Variants in MX2 observed in about 807,000 individuals in gnomAD.
MX2 encodes interferon-induced GTP-binding protein Mx2.
MX2 carries 51 observed loss-of-function variants against 74.0 expected under a neutral mutation model. The ratio of observed to expected loss-of-function variants is 0.69; its 90% CI spans 0.55 to 0.87. The LOEUF (loss-of-function observed/expected upper bound fraction) is 0.87. Among genes scored for constraint, MX2 ranks in the 40% least tolerant of loss-of-function variants. MX2 has a pLI of 0.00. For missense variants in MX2, 832 were observed against 908.7 expected (o/e 0.92, Z 1.09); for synonymous variants, 369 against 339.3 (o/e 1.09, Z -0.96).
intron 3 of MX2, 144 bp downstream of exon 3, chr21:41,378,125 A>AGAGAGACAGGCCACTGG (rs374024861): frequency 2.8e-6 from 3 of 1,070,796 alleles, no homozygotes; most frequent in Non-Finnish European, 2.6e-6. Context: ...GAGGCCGCTG[A>AGAGAGACAGGCCACTGG]GAGAGACAGG....
rs760584634 is a variant in MX2, at chr21:41,380,129, G to T, written c.555G>T (p.Gln185His). 16 of 1,613,810 alleles carry T rather than the reference G, an allele frequency of 9.9e-6. No individual in the cohort carries two copies. The highest frequency in any genetic ancestry group is 1.3e-5 in the African/African-American group (1 of 74,912). The change falls in exon 4 of 14, where the codon CAG (glutamine) becomes CAT (histidine). Residue 185 changes from glutamine to histidine, a missense_variant. Coordinates refer to ENST00000330714, the MANE Select transcript of MX2 (RefSeq NM_002463.2). The surrounding 1 kb of genome is among the most constrained non-coding windows in gnomAD (Gnocchi z 4.3). The part of the protein sequence containing the change: ...NTELELQDPG[Q>H]VEKEIHKAQN... Reference sequence around the variant, plus strand: ...AGCTAGAGCTTCAGGACCCTGGCCAGGTGGAGAAAGAGATACACAAAGGTG... The same window carrying T: ...AGCTAGAGCTTCAGGACCCTGGCCATGTGGAGAAAGAGATACACAAAGGTG...
chr21:41,385,932 G>C (rs1472149798), intron 5 of MX2, among the ~76,000 whole-genome samples: 3 of 152,088 alleles, frequency 2.0e-5, no homozygotes, highest in African/African-American at 4.8e-5. Flanking sequence ...AATATATGCT[G>C]TTGCGAAAAG....
At chr21:41,407,264 T>G (rs1258749260) in intron 13 of MX2, among the ~76,000 whole-genome samples, 1 of 152,188 alleles carries the variant, frequency 6.6e-6, no homozygotes, top group Non-Finnish European at 1.5e-5. Flanking sequence ...ACCCCAAAAT[T>G]CCTTATATTT....
At chr21:41,372,760 T>C (rs2089341825) in intron 1 of MX2, among the ~76,000 whole-genome samples, 1 of 152,224 alleles carries the variant, frequency 6.6e-6, no homozygotes. Flanking sequence ...TCTTATCTAT[T>C]CTTGGTATAA....
chr21:41,403,155 G>A (rs1056064307), intron 11 of MX2, 112 bp from the exon 12 acceptor site: 1 of 832,486 alleles, frequency 1.2e-6, no homozygotes, highest in African/African-American at 1.7e-5. Flanking sequence ...CAGTCTCCTG[G>A]AATGGGTCAG....
rs1827116202 is a variant in MX2, at chr21:41,399,206, T to C, written c.1283T>C (p.Met428Thr). The change falls in exon 10 of 14, where the codon ATG becomes ACG. Residue 428 changes from methionine to threonine, a missense_variant. Transcript: ENST00000330714. Reference sequence around the variant, plus strand: ...TTATATCATTTTCAGAAAATCAAGATGTTTAATCAGGACATCGAAAAGTTA... The same window carrying C: ...TTATATCATTTTCAGAAAATCAAGACGTTTAATCAGGACATCGAAAAGTTA... The part of the protein sequence containing the change: ...KMFFLIEKIK[M>T]FNQDIEKLVE... 6.2e-7 allele frequency: 1 copy of C among 1,613,818 alleles called. No homozygotes were observed. The highest frequency in any genetic ancestry group is 1.7e-5 in the Admixed American group (1 of 59,898).
intron 10 of MX2, 191 bp downstream of exon 10, chr21:41,399,528 C>A: frequency 1.8e-6 from 1 of 544,580 alleles, no homozygotes; most frequent in Non-Finnish European, 3.3e-6. Flanking sequence ...CAACTCAACA[C>A]AGGGCAATTC....
At chr21:41,376,786 G>A in intron 1 of MX2, 50 bp from the exon 2 acceptor site, 3 of 1,470,442 alleles carry the variant, frequency 2.0e-6, no homozygotes, top group Non-Finnish European at 2.8e-6. Flanking sequence ...GCCAACTCAG[G>A]GAGGACTTCT....
intron 1 of MX2, chr21:41,373,113 C>T (rs1285774196): frequency 6.6e-6 from 1 of 152,210 alleles, no homozygotes; most frequent in Non-Finnish European, 1.5e-5. Flanking sequence ...TGACTGTTGC[C>T]TCCCCCATCA....
At chr21:41,376,123 G>A (rs1189765063) in intron 1 of MX2, among the ~76,000 whole-genome samples, 1 of 152,170 alleles carries the variant, frequency 6.6e-6, no homozygotes, top group Admixed American at 6.5e-5. Flanking sequence ...TGTGAGGCCA[G>A]GTCTGGCTTC....
intron 1 of MX2, chr21:41,365,663 T>C (rs1396961240): frequency 6.6e-6 from 1 of 152,236 alleles, no homozygotes; most frequent in African/African-American, 2.4e-5. Context: ...ATGTCTTTGC[T>C]ATTGTAACGG....
intron 10 of MX2, among the ~76,000 whole-genome samples, chr21:41,400,121 T>G (rs1178157306): frequency 1.3e-5 from 2 of 152,180 alleles, no homozygotes; most frequent in Non-Finnish European, 2.9e-5. Context: ...TAGTAGCAGC[T>G]AAACATCAGC....
chr21:41,377,622 C>A (rs889289772), intron 2 of MX2, among the ~76,000 whole-genome samples, 167 bp from the exon 3 acceptor site: 5 of 152,164 alleles, frequency 3.3e-5, no homozygotes, highest in African/African-American at 1.2e-4. Flanking sequence ...TCAATAGGAA[C>A]AGAACAGAAG....
At chr21:41,398,802 C>T in intron 8 of MX2, 95 bp from the exon 9 acceptor site, 2 of 1,509,506 alleles carry the variant, frequency 1.3e-6, no homozygotes, top group Non-Finnish European at 1.8e-6. Flanking sequence ...CCAGATCTTC[C>T]TGGATGCTTT....
chr21:41,398,163 G>C (rs1406897333), intron 8 of MX2, among the ~76,000 whole-genome samples: 4 of 152,210 alleles, frequency 2.6e-5, no homozygotes, highest in African/African-American at 9.6e-5. Flanking sequence ...TACAAAATTA[G>C]CTGGGCATGG....
intron 11 of MX2, 30 bp from the exon 12 acceptor site, chr21:41,403,237 C>T (rs773135535): frequency 6.0e-6 from 9 of 1,506,432 alleles, no homozygotes; most frequent in Admixed American, 1.9e-5. Context: ...ATGTTTTCTT[C>T]TTCTTCTCCT....
At chr21:41,405,207 C>T (rs561564408) in intron 12 of MX2, among the ~76,000 whole-genome samples, 130 of 151,198 alleles carry the variant, frequency 8.6e-4, no homozygotes, top group South Asian at 4.8e-3. Context: ...TGCAGTCAGT[C>T]GAGATTGTGC....
At chr21:41,386,441 G>A (rs927749578) in intron 5 of MX2, among the ~76,000 whole-genome samples, 2 of 152,278 alleles carry the variant, frequency 1.3e-5, no homozygotes, top group African/African-American at 4.8e-5. Flanking sequence ...CTGTCATTGT[G>A]GCTGTGAGAG....
intron 8 of MX2, 114 bp from the exon 9 acceptor site, chr21:41,398,783 T>TA: frequency 6.9e-7 from 1 of 1,457,632 alleles, no homozygotes. Context: ...GGCAGGTGGG[T>TA]CAAAAATTCC....
Sources: allele counts gnomAD v4.1 joint callset (sites outside exome capture counted in the v4.1 genomes callset), GRCh38; gene constraint gnomAD v4.1.1; non-coding constraint Gnocchi (gnomAD v3.1); transcripts MANE v1.5; gene names NCBI Gene and HGNC (gene_info 2026-07-23, HGNC 2026-07-21).